The following TRIO variants were observed in gnomAD, a reference collection of about 807,000 sequenced individuals.
The protein encoded by TRIO is triple functional domain protein.
In TRIO, 58 loss-of-function variants were observed where a neutral mutation model predicts 351.9. That is an observed-to-expected ratio of 0.16 (90% CI 0.13 to 0.21). The LOEUF is 0.21. Ranked by LOEUF, TRIO falls within the 10% of genes least tolerant of loss-of-function variation. The probability of loss-of-function intolerance (pLI) is 1.00; values close to 1 mark genes in which losing one functional copy is unlikely to be tolerated. For synonymous variants in TRIO, 1,758 were observed against 1,595.7 expected (o/e 1.10, Z -2.42); for missense variants, 3,201 against 4,027.8 (o/e 0.79, Z 5.56).
chr5:14,250,918 G>A (rs992931248), intron 1 of TRIO, among the ~76,000 whole-genome samples: 2 of 152,200 alleles, frequency 1.3e-5, no homozygotes, highest in Non-Finnish European at 2.9e-5. Flanking sequence ...AACAGAGGAG[G>A]AAGCTGCGGC....
At chr5:14,495,837 A>G (rs1050606161) in intron 49 of TRIO, among the ~76,000 whole-genome samples, 1 of 151,910 alleles carries the variant, frequency 6.6e-6, no homozygotes, top group Non-Finnish European at 1.5e-5. Context: ...GCGTAGTGGC[A>G]GGCGCCTGTA....
chr5:14,310,547 C>T (rs1233749003), intron 8 of TRIO, among the ~76,000 whole-genome samples: 2 of 152,352 alleles, frequency 1.3e-5, no homozygotes, highest in African/African-American at 4.8e-5. Flanking sequence ...GGCACTGTAT[C>T]AGTGGGTGAT....
At position 14,311,878 on chromosome 5, in the gene TRIO, T is replaced by TGGTGTA. The variant is rs1682188606; in HGVS notation, c.1501-4634_1501-4629dup. Reference sequence around the variant, plus strand: ...TTTCTTTATTACAGGCTAAATGTCTTGGTGTATTTTGCCTGTTTTTGTTGT... The same window carrying TGGTGTA: ...TTTCTTTATTACAGGCTAAATGTCTTGGTGTAGGTGTATTTTGCCTGTTTTTGTTGT... On this transcript the variant is annotated intron_variant, in intron 8 of 56. Coordinates refer to ENST00000344204, the MANE Select transcript of TRIO (RefSeq NM_007118.4). Among the ~76,000 whole-genome samples, 8 of 152,222 alleles carry TGGTGTA rather than the reference T, an allele frequency of 5.3e-5. 2 individuals carry two copies. The highest frequency in any genetic ancestry group is 4.6e-4 in the Admixed American group (7 of 15,288).
At chr5:14,189,177 T>G (rs1790312249) in intron 1 of TRIO, among the ~76,000 whole-genome samples, 1 of 152,252 alleles carries the variant, frequency 6.6e-6, no homozygotes, top group Non-Finnish European at 1.5e-5. Flanking sequence ...ATTGTAAAAA[T>G]GTATCTATAT....
chr5:14,196,870 C>G (rs1264507103), intron 1 of TRIO, among the ~76,000 whole-genome samples: 2 of 152,170 alleles, frequency 1.3e-5, no homozygotes, highest in Admixed American at 1.3e-4. Flanking sequence ...TTCGATGAGT[C>G]ATGTTCCAAA....
chr5:14,414,400 C>T (rs1471420429), intron 33 of TRIO, among the ~76,000 whole-genome samples: 2 of 152,158 alleles, frequency 1.3e-5, no homozygotes, highest in Non-Finnish European at 2.9e-5. Context: ...AGCCGTTTTT[C>T]ATCCAGTATT....
chr5:14,500,403 A>C (rs897501766), intron 53 of TRIO, among the ~76,000 whole-genome samples: 4 of 152,164 alleles, frequency 2.6e-5, no homozygotes, highest in African/African-American at 9.7e-5. Flanking sequence ...TGCTCAGGAA[A>C]CAAAGCCTTA....
intron 1 of TRIO, among the ~76,000 whole-genome samples, chr5:14,154,324 G>A (rs1787986162): frequency 6.6e-6 from 1 of 152,156 alleles, no homozygotes; most frequent in Non-Finnish European, 1.5e-5. Context: ...TCTAACTTAG[G>A]AAAGGAACGG....
intron 7 of TRIO, among the ~76,000 whole-genome samples, chr5:14,299,065 C>G (rs765012991): frequency 6.6e-6 from 1 of 152,136 alleles, no homozygotes; most frequent in Admixed American, 6.5e-5. Flanking sequence ...TGATGAGATT[C>G]AGAATTGTAA....
intron 1 of TRIO, among the ~76,000 whole-genome samples, chr5:14,150,024 C>G (rs1343313684): frequency 6.6e-6 from 1 of 152,212 alleles, no homozygotes; most frequent in Non-Finnish European, 1.5e-5. Flanking sequence ...CCTGGCCGCT[C>G]TGTGGACCCC....
At chr5:14,324,416 T>A (rs1740183667) in intron 9 of TRIO, among the ~76,000 whole-genome samples, 1 of 152,228 alleles carries the variant, frequency 6.6e-6, no homozygotes, top group South Asian at 2.1e-4. Flanking sequence ...TTGAGAACAG[T>A]GGCTACAGTT....
intron 20 of TRIO, among the ~76,000 whole-genome samples, chr5:14,379,128 A>C (rs560991623): frequency 2.5e-4 from 38 of 152,252 alleles, no homozygotes; most frequent in African/African-American, 8.9e-4. Flanking sequence ...GGAGAAGGTG[A>C]TTCCCCCAGC....
intron 34 of TRIO, among the ~76,000 whole-genome samples, chr5:14,451,449 A>C (rs1351231620): frequency 1.3e-5 from 2 of 152,264 alleles, no homozygotes; most frequent in Non-Finnish European, 2.9e-5. Flanking sequence ...CAACACCGTC[A>C]ACAGTCATAA....
intron 11 of TRIO, among the ~76,000 whole-genome samples, chr5:14,343,846 G>GT (rs1186583240): frequency 1.3e-5 from 2 of 152,212 alleles, no homozygotes; most frequent in South Asian, 2.1e-4. Context: ...CTGCCAAACT[G>GT]TTTTCCAGAA....
At chr5:14,408,942 T>C (rs531573917) in intron 33 of TRIO, among the ~76,000 whole-genome samples, 1 of 152,050 alleles carries the variant, frequency 6.6e-6, no homozygotes, top group African/African-American at 2.4e-5. Flanking sequence ...CTTTGGAGGG[T>C]TCCTTTTTTG....
chr5:14,493,173 A>T (rs1157588536), intron 49 of TRIO, among the ~76,000 whole-genome samples: 2 of 152,156 alleles, frequency 1.3e-5, no homozygotes, highest in African/African-American at 4.8e-5. Context: ...TTTGACATAC[A>T]TTCTTAGGCC....
At chr5:14,423,924 ATTTT>A (rs577094390) in intron 34 of TRIO, among the ~76,000 whole-genome samples, 5 of 118,172 alleles carry the variant, frequency 4.2e-5, no homozygotes, top group Non-Finnish European at 7.0e-5. Context: ...ACCCCATGGA[ATTTT>A]TTTTTTTTTT....
intron 1 of TRIO, among the ~76,000 whole-genome samples, chr5:14,246,481 C>T (rs920367661): frequency 6.6e-6 from 1 of 152,236 alleles, no homozygotes; most frequent in East Asian, 1.9e-4. Flanking sequence ...GCTTCTCAGG[C>T]AGACCCTGTG....
chr5:14,296,826 T>TA (rs1164239038), intron 6 of TRIO, among the ~76,000 whole-genome samples: 1 of 152,252 alleles, frequency 6.6e-6, no homozygotes. Context: ...GCTGAACAAT[T>TA]ATGCCTTTCA....
Sources: allele counts gnomAD v4.1 joint callset (sites outside exome capture counted in the v4.1 genomes callset), GRCh38; gene constraint gnomAD v4.1.1; transcripts MANE v1.5; gene names NCBI Gene and HGNC (gene_info 2026-07-23, HGNC 2026-07-21).